The following CELA1 variants were observed in gnomAD, a reference collection of about 807,000 sequenced individuals.
CELA1 encodes the protein chymotrypsin like elastase 1.
Under a neutral mutation model 34.8 loss-of-function variants are expected in CELA1, and 28 were observed. The observed-to-expected ratio is 0.80, with a 90% CI of 0.60 to 1.10. CELA1 has a LOEUF of 1.10. Ranked by LOEUF, CELA1 falls within the 50% of genes least tolerant of loss-of-function variation. The pLI is 0.00. For missense variants in CELA1, 288 were observed against 327.5 expected (o/e 0.88, Z 0.93); for synonymous variants, 140 against 129.8 (o/e 1.08, Z -0.53).
intron 6 of CELA1, among the ~76,000 whole-genome samples, chr12:51,333,553 C>T (rs1005665860): frequency 1.3e-4 from 19 of 151,868 alleles, no homozygotes; most frequent in African/African-American, 1.2e-4. Context: ...CCACCTCGCC[C>T]GGCTAATTTT....
intron 4 of CELA1, among the ~76,000 whole-genome samples, chr12:51,342,162 G>A (rs185053477): frequency 8.8e-4 from 133 of 151,842 alleles, no homozygotes; most frequent in Non-Finnish European, 1.7e-3. Flanking sequence ...GTAATCAAGC[G>A]ATTACAGGCA....
chr12:51,343,793 T>C lies in CELA1; in HGVS notation c.160A>G (p.Arg54Gly), dbSNP rs1946551356. 2.5e-6 allele frequency: 4 copies of C among 1,611,092 alleles called. No homozygotes were observed. The highest frequency in any genetic ancestry group is 3.4e-6 in the Non-Finnish European group (4 of 1,177,772). The stretch of plus-strand genomic sequence containing the variant: ...GCAGCTGTCATCACCCAGTTCTGTC[T>C]GATAAGGGTCCCTCCACAGGTGTGA... The part of the protein sequence containing the change: ...RYHTCGGTLI[R>G]QNWVMTAAHC... The change falls in exon 3 of 8, where the codon AGA becomes GGA. Residue 54 changes from arginine (R) to glycine (G), a missense_variant. Transcript: ENST00000293636.
intron 6 of CELA1, among the ~76,000 whole-genome samples, chr12:51,330,144 A>G (rs568171759): frequency 6.6e-6 from 1 of 152,166 alleles, no homozygotes; most frequent in Non-Finnish European, 1.5e-5. Context: ...TTTCCTCTCC[A>G]CAATGCTAGC....
At position 51,345,742 on chromosome 12, in the gene CELA1, A is replaced by G. The variant is rs1373427328; in HGVS notation, c.99+53T>C. ...ACAAATACACATGATACCTTATGTC[A>G]TGCACTGAGCTCTTATTTGGGTGGA... On this transcript the variant is annotated intron_variant, in intron 2 of 7. Transcript: ENST00000293636. The G allele has an allele frequency of 3.3e-6, 4 of 1,216,734 alleles. No individual in the cohort carries two copies. In the East Asian group the frequency reaches 1.0e-4, roughly 31 times the overall value. The allele number at this position is 1,216,734 out of a possible 1,614,324, so 75.4% of individuals were successfully genotyped here.
intron 6 of CELA1, among the ~76,000 whole-genome samples, chr12:51,330,048 C>A (rs753745993): frequency 6.6e-6 from 1 of 152,168 alleles, no homozygotes; most frequent in Non-Finnish European, 1.5e-5. Context: ...ATTTCATGTT[C>A]TGCCTTGTAT....
At chr12:51,337,146 G>T (rs1039726994) in intron 6 of CELA1, among the ~76,000 whole-genome samples, 1 of 152,102 alleles carries the variant, frequency 6.6e-6, no homozygotes, top group Admixed American at 6.6e-5. Flanking sequence ...TAGCCCACGG[G>T]TCAGCAAACC....
At chr12:51,329,662 C>T (rs779050574) in intron 7 of CELA1, 22 bp downstream of exon 7, 1 of 1,591,396 alleles carries the variant, frequency 6.3e-7, no homozygotes, top group African/African-American at 1.3e-5. Context: ...CCCATTTCAA[C>T]CCATCATTTG....
At chr12:51,329,643 C>G in intron 7 of CELA1, 41 bp downstream of exon 7, 2 of 1,563,404 alleles carry the variant, frequency 1.3e-6, no homozygotes, top group Non-Finnish European at 1.7e-6. Flanking sequence ...GCGTAGGTCT[C>G]CAGGTGACCC....
chr12:51,336,617 A>G (rs1335572703), intron 6 of CELA1, among the ~76,000 whole-genome samples: 2 of 151,906 alleles, frequency 1.3e-5, no homozygotes, highest in Non-Finnish European at 2.9e-5. Flanking sequence ...AGAGAGGGAG[A>G]CTCCGTCTCA....
At position 51,329,685 on chromosome 12, in the gene CELA1, T is replaced by C; in HGVS notation, c.758A>G (p.Asn253Ser). 2.5e-6 allele frequency: 4 copies of C among 1,608,664 alleles called. No individual in the cohort carries two copies. The highest frequency in any genetic ancestry group is 3.4e-6 in the Non-Finnish European group (4 of 1,177,946). Residue 253 changes from asparagine (N) to serine (S), a missense_variant and splice_region_variant, in exon 7 of 8, where the codon AAT becomes AGT. Physicochemically the swap from Asn to Ser is conservative, Grantham distance 46. Transcript: ENST00000293636. ...AACCCATCATTTGAGAGGACTCACA[T>C]TATTTATCCAGGAGATGTAAGCAGA... ...QVSAYISWINNVIASN is the reference protein window; with the variant it reads ...QVSAYISWINSVIASN
At chr12:51,342,827 T>G in intron 3 of CELA1, 127 bp from the exon 4 acceptor site, 1 of 890,626 alleles carries the variant, frequency 1.1e-6, no homozygotes, top group South Asian at 1.9e-5. Context: ...TTTTTTTTTT[T>G]AGAGATGGGG....
intron 6 of CELA1, among the ~76,000 whole-genome samples, chr12:51,339,322 G>A (rs1565701266): frequency 6.6e-6 from 1 of 152,216 alleles, no homozygotes; most frequent in African/African-American, 2.4e-5. Flanking sequence ...AGGCCAAGGC[G>A]GGTGGATCAC....
intron 6 of CELA1, among the ~76,000 whole-genome samples, chr12:51,331,558 A>T (rs1263756329): frequency 6.6e-6 from 1 of 152,256 alleles, no homozygotes; most frequent in Non-Finnish European, 1.5e-5. Context: ...CAAACAAGAT[A>T]TAGAGAAAAC....
At chr12:51,337,676 AT>A (rs1372473694) in intron 6 of CELA1, among the ~76,000 whole-genome samples, 7 of 145,754 alleles carry the variant, frequency 4.8e-5, no homozygotes, top group Non-Finnish European at 1.0e-4. Flanking sequence ...TATTATTCTG[AT>A]TTTTTTTCCT....
chr12:51,331,225 T>C (rs1946468143), intron 6 of CELA1, among the ~76,000 whole-genome samples: 1 of 150,262 alleles, frequency 6.7e-6, no homozygotes, highest in South Asian at 2.1e-4. Flanking sequence ...TAAAACTCTA[T>C]TAAAAATACA....
At chr12:51,331,193 T>C (rs1010264340) in intron 6 of CELA1, among the ~76,000 whole-genome samples, 3 of 151,286 alleles carry the variant, frequency 2.0e-5, no homozygotes, top group Non-Finnish European at 4.4e-5. Context: ...AGTTCAAGAC[T>C]AGGCCAACAC....
intron 7 of CELA1, among the ~76,000 whole-genome samples, chr12:51,329,373 G>GT (rs1946454782): frequency 1.3e-5 from 2 of 152,180 alleles, no homozygotes; most frequent in South Asian, 4.1e-4. Context: ...TTCTGAACCT[G>GT]TTTTTCCCTG....
chr12:51,345,822 C>A lies in CELA1; in HGVS notation c.72G>T (p.Glu24Asp). 6.4e-7 allele frequency: 1 copy of A among 1,558,590 alleles called. No homozygotes were observed. Among genetic ancestry groups the A allele is most frequent in the African/African-American group, 1.4e-5 (1 of 73,576 alleles). Residue 24 changes from glutamate to aspartate, a missense_variant, in exon 2 of 8, where the codon GAG (glutamate) becomes GAT (aspartate). Coordinates refer to ENST00000293636, the MANE Select transcript of CELA1 (RefSeq NM_001971.6). ...GAGAGGGCCAGGAATTCCTCCCGGCCTCAGTCCCTCCGACTACGCGGGCAT... is the reference window on the plus strand; with the variant it reads ...GAGAGGGCCAGGAATTCCTCCCGGCATCAGTCCCTCCGACTACGCGGGCAT... ...ETNARVVGGT[E>D]AGRNSWPSQI...
chr12:51,337,923 A>AAT (rs151299974), intron 6 of CELA1, among the ~76,000 whole-genome samples: 19,475 of 148,416 alleles, frequency 0.13, 1,680 homozygotes, highest in East Asian at 0.37. Context: ...AAAAAAAACA[A>AAT]ATATATATAT....
Sources: gnomAD v4.1 joint callset for allele counts (sites outside exome capture counted in the v4.1 genomes callset) on GRCh38, gnomAD v4.1.1 for gene constraint, MANE v1.5 for transcripts, NCBI Gene and HGNC (gene_info 2026-07-23, HGNC 2026-07-21) for gene names.